PABIR2: variants seen among roughly 807,000 people sequenced by gnomAD.
PABIR2 encodes the protein PABIR family member 2, also known as family with sequence similarity 122B.
Under a neutral mutation model 22.8 loss-of-function variants are expected in PABIR2, and 7 were observed. That is an observed-to-expected ratio of 0.31 (90% CI 0.17 to 0.58). The LOEUF is 0.58. Among genes scored for constraint, PABIR2 ranks in the 20% least tolerant of loss-of-function variants. The pLI is 0.89. For synonymous variants in PABIR2, 67 were observed against 73.8 expected (o/e 0.91, Z 0.47); for missense variants, 155 against 205.1 (o/e 0.76, Z 1.49).
At chrX:134,795,100 G>A (rs755243516) in intron 1 of PABIR2, among the ~76,000 whole-genome samples, 24 of 111,747 alleles carry the variant, frequency 2.1e-4, no homozygotes, top group African/African-American at 7.5e-4. Context: ...TAAATGCAGG[G>A]CCAAGGACAG....
intron 7 of PABIR2, among the ~76,000 whole-genome samples, chrX:134,786,964 A>G (rs2079341326): frequency 9.0e-6 from 1 of 111,625 alleles, no homozygotes; most frequent in South Asian, 3.7e-4. Flanking sequence ...ACAAAAAAAA[A>G]GAAAAGAAAA....
At chrX:134,781,974 G>T in intron 8 of PABIR2, 57 bp from the exon 9 acceptor site, 1 of 841,090 alleles carries the variant, frequency 1.2e-6, no homozygotes, top group Non-Finnish European at 1.7e-6. Context: ...CAGGCGTGGT[G>T]CTAACATATG....
rs375303160 is a variant in PABIR2 at position 134,788,727 on chromosome X, T to C, written c.435+3A>G. The C allele has an allele frequency of 3.8e-5, 45 of 1,199,992 alleles. No homozygotes were observed. Among genetic ancestry groups the C allele is most frequent in the Non-Finnish European group, 4.8e-5 (43 of 887,132 alleles). Reference sequence around the variant, plus strand: ...ACACTTAATATCTTGTCAGTTATCCTACCTTTCCGAATCCCCTGGTGGGTG... The same window carrying C: ...ACACTTAATATCTTGTCAGTTATCCCACCTTTCCGAATCCCCTGGTGGGTG... On this transcript the variant is annotated splice_donor_region_variant and intron_variant, in intron 6 of 9. Transcript: ENST00000343004.
intron 9 of PABIR2, among the ~76,000 whole-genome samples, chrX:134,772,693 C>G (rs749584037): frequency 1.7e-4 from 19 of 111,373 alleles, no homozygotes; most frequent in Non-Finnish European, 3.2e-4. Context: ...GGTGTTCGAT[C>G]AAGTACACTG....
At chrX:134,779,419 C>CT (rs2079097884) in intron 9 of PABIR2, among the ~76,000 whole-genome samples, 1 of 110,948 alleles carries the variant, frequency 9.0e-6, no homozygotes. Flanking sequence ...GAGCGAGACT[C>CT]TGTCTCAAAA....
Position 134,771,404 on chromosome X carries a change from G to A in PABIR2, c.*735C>T. On this transcript the variant is annotated 3_prime_UTR_variant, in exon 10 of 10. Transcript: ENST00000343004. ...ATATTCCTTAGGGCAACAGGTTTGA[G>A]GAGAAATATATCAACTGTGGTAGCA... is the stretch of plus-strand genomic sequence containing the variant. 1 of 1,131,524 alleles carries A rather than the reference G, an allele frequency of 8.8e-7. No individual in the cohort carries two copies. The allele number at this position is 1,131,524 out of a possible 1,213,427, so 93.3% of individuals were successfully genotyped here.
In PABIR2 at chrX:134,784,010, G is replaced by C. The variant is rs60883969; in HGVS notation, c.562+1876C>G. 3.2e-3 allele frequency among the ~76,000 whole-genome samples: 341 copies of C among 107,826 alleles called. 4 individuals carry two copies. Among genetic ancestry groups the C allele is most frequent in the African/African-American group, 0.011 (331 of 29,467 alleles). The allele number at this position is 107,826 out of a possible 115,157, so 93.6% of individuals were successfully genotyped here. A position where few individuals can be genotyped will look rare whatever the true frequency, so the allele number is the denominator to read the frequency against. On this transcript the variant is annotated intron_variant, in intron 8 of 9. Transcript: ENST00000343004. ...ATCGCTTGAACCCAGGAGCCCAGGAGGCAGAGGTTGCAGTGAGCTGAGATT... is the reference window on the plus strand; with the variant it reads ...ATCGCTTGAACCCAGGAGCCCAGGACGCAGAGGTTGCAGTGAGCTGAGATT...
chrX:134,796,140 T>C lies in PABIR2; in HGVS notation c.66A>G (p.Arg22=). The C allele has an allele frequency of 8.3e-7, 1 of 1,210,673 alleles. No homozygotes were observed. The highest frequency in any genetic ancestry group is 1.1e-6 in the Non-Finnish European group (1 of 895,198). The change falls in exon 1 of 10, where the codon AGA becomes AGG. Residue 22 remains arginine (R), a synonymous_variant. Transcript: ENST00000343004. ...PDTSYGGTLR[R]SSSAPLIHGL... is the part of the protein sequence containing the mutation. Reference sequence around the variant, plus strand: ...CATGGATTAGGGGAGCGCTGCTGGATCTCCTCAGGGTTCCCCCATAAGATG... The same window carrying C: ...CATGGATTAGGGGAGCGCTGCTGGACCTCCTCAGGGTTCCCCCATAAGATG...
In PABIR2 at chrX:134,793,805, C is replaced by T. The variant is rs781351559; in HGVS notation, c.177+10G>A. The stretch of plus-strand genomic sequence containing the variant: ...TCTAAATCACTTCAGATACTTACTT[C>T]TATACTTACCAGGCTGTGACGGCTC... On this transcript the variant is annotated intron_variant, in intron 2 of 9. Coordinates refer to ENST00000343004, the MANE Select transcript of PABIR2 (RefSeq NM_001387468.1). 1 of 1,202,911 alleles carries T rather than the reference C, an allele frequency of 8.3e-7. No individual in the cohort carries two copies. Among genetic ancestry groups the T allele is most frequent in the African/African-American group, 1.7e-5 (1 of 57,468 alleles).
intron 9 of PABIR2, among the ~76,000 whole-genome samples, chrX:134,779,710 A>G (rs189153296): frequency 3.0e-4 from 34 of 112,851 alleles, no homozygotes; most frequent in Admixed American, 6.6e-4. Context: ...GACAATAAAA[A>G]AATAAGTCAC....
At chrX:134,780,371 T>C (rs2079123792) in intron 9 of PABIR2, among the ~76,000 whole-genome samples, 1 of 111,359 alleles carries the variant, frequency 9.0e-6, no homozygotes, top group African/African-American at 3.3e-5. Flanking sequence ...AGGTCAGGAG[T>C]TCGAGACCAG....
chrX:134,772,477 T>C (rs2078859081), intron 9 of PABIR2, among the ~76,000 whole-genome samples, 194 bp from the exon 10 acceptor site: 1 of 111,343 alleles, frequency 9.0e-6, no homozygotes, highest in African/African-American at 3.3e-5. Context: ...CTCTTCGAGG[T>C]CCTGTATCAT....
At position 134,787,466 on chromosome X, in the gene PABIR2, G is replaced by A; in HGVS notation, c.497+6C>T. 1 of 1,206,556 alleles carries A rather than the reference G, an allele frequency of 8.3e-7. No individual in the cohort carries two copies. The highest frequency in any genetic ancestry group is 1.1e-6 in the Non-Finnish European group (1 of 891,482). On this transcript the variant is annotated splice_donor_region_variant and intron_variant, in intron 7 of 9. Coordinates refer to ENST00000343004, the MANE Select transcript of PABIR2 (RefSeq NM_001387468.1). ...TCAACCACATTTAAAATTCAAGTTTGCTTACCTTGAAAATCGTCTTGGACT... is the reference window on the plus strand; with the variant it reads ...TCAACCACATTTAAAATTCAAGTTTACTTACCTTGAAAATCGTCTTGGACT...
In PABIR2 at chrX:134,775,427, G is replaced by A. The variant is rs182009702; in HGVS notation, c.660-3144C>T. 1.7e-3 allele frequency among the ~76,000 whole-genome samples: 180 copies of A among 105,216 alleles called. 4 individuals are homozygous for A. The highest frequency in any genetic ancestry group is 0.014 in the Admixed American group (136 of 9,611). 91.4% of individuals were successfully genotyped at this position (105,216 alleles called of 115,157 possible). On this transcript the variant is annotated intron_variant, in intron 9 of 9. Transcript: ENST00000343004. ...CAGCTACTTGGAGAGGCTGAGGCAG[G>A]AGAATGGCGTGAACCCGGGAGGCGG...
intron 8 of PABIR2, among the ~76,000 whole-genome samples, chrX:134,785,528 G>A (rs1281289045): frequency 1.8e-5 from 2 of 108,521 alleles, no homozygotes; most frequent in Non-Finnish European, 3.8e-5. Context: ...CACAACCTCC[G>A]CCTCCCAAGT....
intron 1 of PABIR2, among the ~76,000 whole-genome samples, chrX:134,795,607 T>C (rs762542600): frequency 4.7e-4 from 53 of 112,390 alleles, no homozygotes; most frequent in African/African-American, 1.7e-3. Flanking sequence ...TTTTAGAACC[T>C]GAAAACATTA....
Position 134,771,354 on chromosome X carries a change from C to A in PABIR2, c.*785G>T. 8.7e-7 allele frequency: 1 copy of A among 1,151,233 alleles called. No homozygotes were observed. The allele number at this position is 1,151,233 out of a possible 1,213,427, so 94.9% of individuals were successfully genotyped here. On this transcript the variant is annotated 3_prime_UTR_variant, in exon 10 of 10. Coordinates refer to ENST00000343004, the MANE Select transcript of PABIR2 (RefSeq NM_001387468.1). The stretch of plus-strand genomic sequence containing the variant: ...GAATTTCTTCTCCTTGATAACACCA[C>A]CTAGAAATATCAACAATATTTTATA...
At position 134,789,605 on chromosome X, in the gene PABIR2, C is replaced by T. The variant is rs1314078935; in HGVS notation, c.209G>A (p.Ser70Asn). ...CCTTTTGATCTGATGCAGTCTGCTA[C>T]TAGGAATACGATTAGGTGAGGATGA... ...LLSSSPNRIP[S>N]SRLHQIKREE... The change falls in exon 3 of 10, where the codon AGT becomes AAT. Residue 70 changes from serine (S) to asparagine (N), a missense_variant. Ser to Asn is a conservative substitution (Grantham distance 46). Transcript: ENST00000343004. The T allele has an allele frequency of 2.6e-6, 3 of 1,153,940 alleles. No homozygotes were observed. The highest frequency in any genetic ancestry group is 3.4e-6 in the Non-Finnish European group (3 of 872,019).
At chrX:134,777,827 A>G (rs2079027318) in intron 9 of PABIR2, among the ~76,000 whole-genome samples, 1 of 102,417 alleles carries the variant, frequency 9.8e-6, no homozygotes, top group Non-Finnish European at 2.0e-5. Flanking sequence ...CAAAAGCGAG[A>G]CTCCGTCTCA....
Sources: gnomAD v4.1 joint callset for allele counts (sites outside exome capture counted in the v4.1 genomes callset) on GRCh38, gnomAD v4.1.1 for gene constraint, MANE v1.5 for transcripts, NCBI Gene and HGNC (gene_info 2026-07-23, HGNC 2026-07-21) for gene names.